The following SLC26A5 variants were observed in gnomAD, a reference collection of about 807,000 sequenced individuals.
SLC26A5 encodes the protein solute carrier family 26 member 5.
A neutral mutation model predicts 81.0 loss-of-function variants in SLC26A5; 51 were observed. That is an observed-to-expected ratio of 0.63 (90% CI 0.50 to 0.80). The LOEUF is 0.80. Among genes scored for constraint, SLC26A5 ranks in the 30% least tolerant of loss-of-function variants. SLC26A5 has a pLI of 0.00. For missense variants in SLC26A5, 771 were observed against 905.8 expected (o/e 0.85, Z 1.91); for synonymous variants, 325 against 332.8 (o/e 0.98, Z 0.25).
chr7:103,373,266 A>C (rs1821131957), downstream of SLC26A5, among the ~76,000 whole-genome samples: 1 of 152,252 alleles, frequency 6.6e-6, no homozygotes, highest in South Asian at 2.1e-4. Context: ...TGATCCAGTA[A>C]TCAAACTTAG....
chr7:103,419,569 G>T (rs532657294), intron 4 of SLC26A5, among the ~76,000 whole-genome samples: 3 of 147,300 alleles, frequency 2.0e-5, no homozygotes, highest in East Asian at 2.0e-4. Flanking sequence ...ATAGAGTCTT[G>T]CTCTGTTGCC....
At chr7:103,393,295 A>T (rs568386923) in intron 9 of SLC26A5, among the ~76,000 whole-genome samples, 2 of 152,168 alleles carry the variant, frequency 1.3e-5, no homozygotes, top group Non-Finnish European at 2.9e-5. Flanking sequence ...GGGTTATCAG[A>T]AGAGATCAGA....
chr7:103,413,277 GAT>G lies in SLC26A5; in HGVS notation c.293-167_293-166del, dbSNP rs201291670. On this transcript the variant is annotated intron_variant, in intron 4 of 19. Coordinates refer to ENST00000306312, the MANE Select transcript of SLC26A5 (RefSeq NM_198999.3). ...CTGCACATCATCTTACCTTGGTGCT[GAT>G]AGAGTCCAAGCTGAGAAACTTTGCA... Among the ~76,000 whole-genome samples, 434 of 152,300 alleles carry G rather than the reference GAT, an allele frequency of 2.8e-3. 1 individual carries two copies. Among genetic ancestry groups the G allele is most frequent in the African/African-American group, 0.01 (422 of 41,558 alleles).
chr7:103,356,824 G>C (rs575600010), intron 19 of SLC26A5, among the ~76,000 whole-genome samples: 8 of 152,124 alleles, frequency 5.3e-5, no homozygotes, highest in Non-Finnish European at 8.8e-5. Context: ...TGTTAATGTT[G>C]CTTAGAAAAA....
At chr7:103,372,625 C>A (rs1448334805), downstream of SLC26A5, among the ~76,000 whole-genome samples, 3 of 152,162 alleles carry the variant, frequency 2.0e-5, no homozygotes, top group Admixed American at 2.0e-4. Flanking sequence ...CTAGGCTGAA[C>A]ACTGAGTTTG....
chr7:103,353,799 C>G, intron 19 of SLC26A5: 1 of 811,654 alleles, frequency 1.2e-6, no homozygotes, highest in Non-Finnish European at 2.0e-6. Context: ...CATAATCTTG[C>G]TTGATTTTTG....
chr7:103,426,312 A>C (rs73712348), intron 2 of SLC26A5, among the ~76,000 whole-genome samples: 6,121 of 152,270 alleles, frequency 0.04, 216 homozygotes, highest in East Asian at 0.18. Context: ...CTCAAAACAT[A>C]AGATGGATTT....
chr7:103,439,919 C>T (rs914181161), intron 2 of SLC26A5, among the ~76,000 whole-genome samples: 8 of 152,172 alleles, frequency 5.3e-5, no homozygotes, highest in South Asian at 2.1e-4. Flanking sequence ...CAGATAGACT[C>T]GTAACTTCCT....
In SLC26A5 at chr7:103,420,756, C is replaced by T; in HGVS notation, c.274G>A (p.Val92Met). 6.2e-7 allele frequency: 1 copy of T among 1,614,114 alleles called. No individual in the cohort carries two copies. Among genetic ancestry groups the T allele is most frequent in the Non-Finnish European group, 8.5e-7 (1 of 1,180,004 alleles). ...GDLVSGISTG[V>M]LQLPQGLAFA... ...TACTGACCTTGAGGAAGCTGAAGCACCCCTGTGCTTATGCCTGAGACCAAG... is the reference window on the plus strand; with the variant it reads ...TACTGACCTTGAGGAAGCTGAAGCATCCCTGTGCTTATGCCTGAGACCAAG... Residue 92 changes from valine (V) to methionine (M), a missense_variant, in exon 4 of 20, where the codon GTG (valine) becomes ATG (methionine). By Grantham distance (21) the Val-to-Met change is conservative (BLOSUM62 1). Coordinates refer to ENST00000306312, the MANE Select transcript of SLC26A5 (RefSeq NM_198999.3).
chr7:103,379,239 T>A lies in SLC26A5; in HGVS notation c.1677+4A>T. ...TCAGAAATAATCAATTTCTCATGAC[T>A]CACCTTTCGTTTTAATGCATTGCTA... On this transcript the variant is annotated splice_donor_region_variant and intron_variant, in intron 16 of 19. Transcript: ENST00000306312. 1 of 1,597,696 alleles carries A rather than the reference T, an allele frequency of 6.3e-7. No individual in the cohort carries two copies. The highest frequency in any genetic ancestry group is 8.6e-7 in the Non-Finnish European group (1 of 1,165,280).
At chr7:103,384,655 A>C (rs1822047840) in intron 14 of SLC26A5, among the ~76,000 whole-genome samples, 1 of 152,104 alleles carries the variant, frequency 6.6e-6, no homozygotes, top group Admixed American at 6.5e-5. Flanking sequence ...CTGGATTTGC[A>C]AAAACTCACA....
chr7:103,365,700 C>T (rs1248971040), intron 19 of SLC26A5, among the ~76,000 whole-genome samples: 2 of 151,942 alleles, frequency 1.3e-5, no homozygotes, highest in African/African-American at 2.4e-5. Flanking sequence ...GAGGCTGAGA[C>T]GGGTGGAACA....
chr7:103,439,073 T>C (rs1032836311), intron 2 of SLC26A5, among the ~76,000 whole-genome samples: 7 of 152,206 alleles, frequency 4.6e-5, no homozygotes, highest in African/African-American at 1.4e-4. Context: ...TTATTATGAT[T>C]TATTTCATGA....
chr7:103,377,400 A>G (rs1000673799), intron 18 of SLC26A5, among the ~76,000 whole-genome samples, 199 bp downstream of exon 18: 6 of 152,228 alleles, frequency 3.9e-5, no homozygotes, highest in Admixed American at 1.3e-4. Flanking sequence ...CCATAAATTG[A>G]TCATTGTTGA....
At position 103,374,610 on chromosome 7, in the gene SLC26A5, GA is replaced by G; in HGVS notation, c.2042-19del. 1 of 1,604,534 alleles carries G rather than the reference GA, an allele frequency of 6.2e-7. No individual in the cohort carries two copies. Among genetic ancestry groups the G allele is most frequent in the Admixed American group, 1.7e-5 (1 of 59,680 alleles). ...AACTTGTGCTATTAAAAGAAGAAAA[GA>G]AAATTAGTCCACACTCTGGATATCA... is the stretch of plus-strand genomic sequence containing the variant. On this transcript the variant is annotated intron_variant, in intron 19 of 19. Coordinates refer to ENST00000306312, the MANE Select transcript of SLC26A5 (RefSeq NM_198999.3).
chr7:103,418,854 C>T (rs999769235), intron 4 of SLC26A5, among the ~76,000 whole-genome samples: 1 of 152,104 alleles, frequency 6.6e-6, no homozygotes, highest in Non-Finnish European at 1.5e-5. Context: ...CAAATCCATT[C>T]CCCCCACAGC....
intron 14 of SLC26A5, among the ~76,000 whole-genome samples, chr7:103,386,087 C>T (rs1352480301): frequency 6.6e-6 from 1 of 151,752 alleles, no homozygotes; most frequent in East Asian, 1.9e-4. Flanking sequence ...ACCACCACAC[C>T]CAGCTATTTT....
At chr7:103,372,957 T>C (rs1821120138), downstream of SLC26A5, among the ~76,000 whole-genome samples, 1 of 148,810 alleles carries the variant, frequency 6.7e-6, no homozygotes, top group Admixed American at 6.7e-5. Context: ...TAAATGAAAA[T>C]AATAAAGCAT....
At chr7:103,362,575 C>T (rs1042858009) in intron 19 of SLC26A5, 27 of 1,421,532 alleles carry the variant, frequency 1.9e-5, no homozygotes, top group Non-Finnish European at 2.6e-5. Context: ...ATTAGGGACT[C>T]TGTCTCTCTC....
Sources: gnomAD v4.1 joint callset for allele counts (sites outside exome capture counted in the v4.1 genomes callset) on GRCh38, gnomAD v4.1.1 for gene constraint, MANE v1.5 for transcripts, NCBI Gene and HGNC (gene_info 2026-07-23, HGNC 2026-07-21) for gene names.